The following LURAP1 variants were observed in gnomAD, a reference collection of about 807,000 sequenced individuals.
LURAP1 encodes NF-kappa-B activator C1orf190.
Under a neutral mutation model 19.0 loss-of-function variants are expected in LURAP1, and 14 were observed. The observed-to-expected ratio is 0.74, with a 90% CI of 0.49 to 1.15. The LOEUF (loss-of-function observed/expected upper bound fraction) is 1.15, where lower values mean the gene tolerates loss of function less well. LURAP1 is among the 50% of genes most tolerant of loss of function. The pLI is 0.00. For synonymous variants in LURAP1, 129 were observed against 131.8 expected, an observed-to-expected ratio of 0.98 and a Z score of 0.14; for missense variants, 273 against 309.1, an observed-to-expected ratio of 0.88 and a Z score of 0.87.
intron 1 of LURAP1, among the ~76,000 whole-genome samples, chr1:46,216,229 G>A (rs1478186709): frequency 6.6e-6 from 1 of 151,580 alleles, no homozygotes; most frequent in Non-Finnish European, 1.5e-5. Context: ...TGTATTTTTA[G>A]TAGAGACGGG....
At chr1:46,205,143 A>G (rs981663779) in intron 1 of LURAP1, among the ~76,000 whole-genome samples, 1 of 152,172 alleles carries the variant, frequency 6.6e-6, no homozygotes. Flanking sequence ...CTGTAGTCCT[A>G]GCTACTCTGG....
chr1:46,216,501 C>A (rs1355536485), intron 1 of LURAP1, among the ~76,000 whole-genome samples: 1 of 152,030 alleles, frequency 6.6e-6, no homozygotes, highest in Non-Finnish European at 1.5e-5. Flanking sequence ...ACCACCACAC[C>A]TGACTAATTT....
At chr1:46,205,150 C>T (rs1209660143) in intron 1 of LURAP1, among the ~76,000 whole-genome samples, 1 of 151,966 alleles carries the variant, frequency 6.6e-6, no homozygotes, top group Non-Finnish European at 1.5e-5. Context: ...CCTAGCTACT[C>T]TGGAGGCAGA....
At chr1:46,207,511 T>G (rs1658752989) in intron 1 of LURAP1, among the ~76,000 whole-genome samples, 1 of 152,144 alleles carries the variant, frequency 6.6e-6, no homozygotes, top group African/African-American at 2.4e-5. Context: ...CACTAGCGTT[T>G]GCCACACTGA....
intron 1 of LURAP1, among the ~76,000 whole-genome samples, chr1:46,211,153 G>T (rs1658881818): frequency 6.6e-6 from 1 of 151,864 alleles, no homozygotes; most frequent in South Asian, 2.1e-4. Context: ...AATGTTATTG[G>T]ACAAAAAGGG....
chr1:46,207,789 C>T (rs934451572), intron 1 of LURAP1, among the ~76,000 whole-genome samples: 2 of 151,944 alleles, frequency 1.3e-5, no homozygotes, highest in South Asian at 2.1e-4. Context: ...CTGCCTGCCT[C>T]GGCCTCCCAA....
intron 1 of LURAP1, among the ~76,000 whole-genome samples, chr1:46,208,781 C>T (rs1658802824): frequency 6.6e-6 from 1 of 151,774 alleles, no homozygotes; most frequent in East Asian, 1.9e-4. Flanking sequence ...GCGGAGGTTG[C>T]AATGAGCCAA....
intron 1 of LURAP1, among the ~76,000 whole-genome samples, chr1:46,208,994 G>A (rs907748923): frequency 3.9e-5 from 6 of 152,196 alleles, no homozygotes; most frequent in Non-Finnish European, 5.9e-5. Context: ...GCTCAGTCCC[G>A]AGCCAGCAGT....
At chr1:46,212,117 A>T (rs1449054033) in intron 1 of LURAP1, among the ~76,000 whole-genome samples, 1 of 152,170 alleles carries the variant, frequency 6.6e-6, no homozygotes, top group African/African-American at 2.4e-5. Context: ...GATGTGAATA[A>T]AGCAGTTATT....
intron 1 of LURAP1, among the ~76,000 whole-genome samples, chr1:46,211,848 TCTGCCTCGGTTCAAGTGATTCTC>T (rs1658907407): frequency 6.6e-6 from 1 of 151,884 alleles, no homozygotes; most frequent in Non-Finnish European, 1.5e-5. Flanking sequence ...CACTACAACC[TCTGCCTCGGTTCAAGTGATTCTC>T]CTGCCTCAGC....
intron 1 of LURAP1, among the ~76,000 whole-genome samples, chr1:46,216,425 T>C (rs1659072911): frequency 1.3e-5 from 2 of 152,174 alleles, no homozygotes; most frequent in Non-Finnish European, 2.9e-5. Flanking sequence ...CACTGCAGCC[T>C]TGACCCCCCA....
intron 1 of LURAP1, among the ~76,000 whole-genome samples, chr1:46,212,399 G>T (rs1658926607): frequency 6.6e-6 from 1 of 151,376 alleles, no homozygotes; most frequent in South Asian, 2.1e-4. Flanking sequence ...TCCTGCCTCA[G>T]CCTCCCCAGC....
At chr1:46,213,094 C>T (rs75267870) in intron 1 of LURAP1, among the ~76,000 whole-genome samples, 1 of 152,100 alleles carries the variant, frequency 6.6e-6, no homozygotes, top group East Asian at 1.9e-4. Flanking sequence ...AAACATTTAT[C>T]ATGTGTGTAT....
At chr1:46,212,499 T>C (rs1162770705) in intron 1 of LURAP1, among the ~76,000 whole-genome samples, 6 of 152,074 alleles carry the variant, frequency 3.9e-5, no homozygotes, top group African/African-American at 1.2e-4. Flanking sequence ...GCCAGGATGG[T>C]CTTGATCTCC....
Position 46,203,728 on chromosome 1 carries a change from T to G in LURAP1, c.198+104T>G, listed in dbSNP as rs1658623198. The G allele has an allele frequency of 2.7e-6, 3 of 1,130,874 alleles. No homozygotes were observed. In the African/African-American group the frequency reaches 4.8e-5, roughly 18 times the overall value. 70.1% of individuals were successfully genotyped at this position (1,130,874 alleles called of 1,614,324 possible). ...AAGCTGGAGAGGAGGTAGTTAAAACTCTCCACCTAACTGCTCAGAATCCCT... is the reference window on the plus strand; with the variant it reads ...AAGCTGGAGAGGAGGTAGTTAAAACGCTCCACCTAACTGCTCAGAATCCCT... On this transcript the variant is annotated intron_variant, in intron 1 of 1. Transcript: ENST00000371980.
At chr1:46,213,439 G>A (rs1431554109) in intron 1 of LURAP1, among the ~76,000 whole-genome samples, 1 of 151,318 alleles carries the variant, frequency 6.6e-6, no homozygotes, top group Admixed American at 6.7e-5. Context: ...CCTCCTGCTG[G>A]TGTATTTCTC....
At position 46,219,721 on chromosome 1, in the gene LURAP1, T is replaced by G. The variant is rs150947325; in HGVS notation, c.221T>G (p.Val74Gly). 27 of 1,601,526 alleles carry G rather than the reference T, an allele frequency of 1.7e-5. No individual in the cohort carries two copies. In the African/African-American group the frequency reaches 3.3e-4, roughly 20 times the overall value. ...CAGGCTTACCTGCGAGCCATCGATG[T>G]GAAGATCCTGCAGCAGCTGGTGACC... ...MELAYLRAID[V>G]KILQQLVTLN... Residue 74 changes from valine (V) to glycine (G), a missense_variant, in exon 2 of 2, where the codon GTG (valine) becomes GGG (glycine). Val to Gly is a moderately radical substitution (Grantham distance 109). Transcript: ENST00000371980.
rs760067527 is a variant in LURAP1 at position 46,203,476 on chromosome 1, G to A, written c.50G>A (p.Gly17Asp). ...SQTPDLRDVE[G>D]KVGRKTPEGL... ...ACGCCTGACCTGCGGGATGTGGAGGGTAAGGTGGGCAGGAAGACCCCTGAA... is the reference window on the plus strand; with the variant it reads ...ACGCCTGACCTGCGGGATGTGGAGGATAAGGTGGGCAGGAAGACCCCTGAA... Residue 17 changes from glycine to aspartate, a missense_variant, in exon 1 of 2, where the codon GGT becomes GAT. Physicochemically the swap from Gly to Asp is moderately conservative, Grantham distance 94. Coordinates refer to ENST00000371980, the MANE Select transcript of LURAP1 (RefSeq NM_001013615.3). The A allele has an allele frequency of 1.9e-5, 29 of 1,523,038 alleles. No individual in the cohort carries two copies. The South Asian group carries it at 3.4e-4, about 18-fold the overall frequency. The allele number at this position is 1,523,038 out of a possible 1,614,324, so 94.3% of individuals were successfully genotyped here.
rs767300672 is a variant in LURAP1 at position 46,203,390 on chromosome 1, C to G, written c.-37C>G. The G allele has an allele frequency of 2.8e-5, 40 of 1,431,808 alleles. No homozygotes were observed. The African/African-American group carries it at 5.7e-4, about 20-fold the overall frequency. The allele number at this position is 1,431,808 out of a possible 1,614,324, so 88.7% of individuals were successfully genotyped here. ...AGGACCCCCGGGAGCCGGTCCCCGG[C>G]GTCCGGTCGCCCAGCCCTTTTCAGG... On this transcript the variant is annotated 5_prime_UTR_variant, in exon 1 of 2. Transcript: ENST00000371980.
Sources: allele counts gnomAD v4.1 joint callset (sites outside exome capture counted in the v4.1 genomes callset), GRCh38; gene constraint gnomAD v4.1.1; transcripts MANE v1.5; gene names NCBI Gene and HGNC (gene_info 2026-07-23, HGNC 2026-07-21).